EPB41L2: variants seen among roughly 807,000 people sequenced by gnomAD.
EPB41L2 encodes the protein band 4.1-like protein 2.
EPB41L2 carries 43 observed loss-of-function variants against 113.0 expected under a neutral mutation model. The observed-to-expected ratio is 0.38, with a 90% CI of 0.30 to 0.49. The LOEUF (loss-of-function observed/expected upper bound fraction) is 0.49. Among genes scored for constraint, EPB41L2 ranks in the 20% least tolerant of loss-of-function variants. The pLI is 0.95. For synonymous variants in EPB41L2, 442 were observed against 436.7 expected, an observed-to-expected ratio of 1.01 and a Z score of -0.15; for missense variants, 1,147 against 1,223.4, an observed-to-expected ratio of 0.94 and a Z score of 0.93.
At chr6:130,996,150 T>A (rs1184645369) in intron 1 of EPB41L2, among the ~76,000 whole-genome samples, 2 of 152,166 alleles carry the variant, frequency 1.3e-5, no homozygotes, top group African/African-American at 4.8e-5. Flanking sequence ...AACATCCATA[T>A]AAAGAGTTGG....
intron 1 of EPB41L2, among the ~76,000 whole-genome samples, chr6:130,965,802 C>T (rs1459316709): frequency 6.6e-6 from 1 of 152,158 alleles, no homozygotes; most frequent in Non-Finnish European, 1.5e-5. Context: ...TATGGGAATG[C>T]AGGCATTCTC....
chr6:130,992,999 C>A (rs992798076), intron 1 of EPB41L2, among the ~76,000 whole-genome samples: 7 of 152,164 alleles, frequency 4.6e-5, no homozygotes, highest in Admixed American at 4.6e-4. Flanking sequence ...CTTTGAATCC[C>A]TAGCCTGGCA....
Position 130,955,283 on chromosome 6 carries a change from T to C in EPB41L2, c.527A>G (p.Lys176Arg), listed in dbSNP as rs936186810. ...TTTGTCTTCCTGTGTTTCTTTTACC[T>C]TCTCTTCTCTCTCCTTACTTACTAA... The part of the protein sequence containing the change: ...TELVSKEREE[K>R]VKETQEDKLE... The change falls in exon 3 of 20, where the codon AAG becomes AGG. Residue 176 changes from lysine (K) to arginine (R), a missense_variant. Coordinates refer to ENST00000337057, the MANE Select transcript of EPB41L2 (RefSeq NM_001431.4). The C allele has an allele frequency of 3.7e-6, 6 of 1,613,702 alleles. No homozygotes were observed. In the African/African-American group the frequency reaches 5.4e-5, roughly 14 times the overall value.
rs1297521766 is a variant in EPB41L2, at chr6:130,885,163, T to C, written c.1766A>G (p.Asp589Gly). The C allele has an allele frequency of 3.1e-6, 5 of 1,614,028 alleles. No homozygotes were observed. The highest frequency in any genetic ancestry group is 1.3e-5 in the African/African-American group (1 of 74,922). Residue 589 changes from aspartate (D) to glycine (G), a missense_variant, in exon 12 of 20, where the codon GAT becomes GGT. Asp to Gly is a moderately conservative substitution (Grantham distance 94). Transcript: ENST00000337057. ...PGLVSIAVVQ[D>G]GDGRREVRSP... Reference sequence around the variant, plus strand: ...TCTCACTTCCCTCCTGCCGTCCCCATCTTGTACCACGGCAATGCTGACAAG... The same window carrying C: ...TCTCACTTCCCTCCTGCCGTCCCCACCTTGTACCACGGCAATGCTGACAAG...
At chr6:130,910,850 C>A (rs904273737) in intron 4 of EPB41L2, among the ~76,000 whole-genome samples, 1 of 152,246 alleles carries the variant, frequency 6.6e-6, no homozygotes, top group East Asian at 1.9e-4. Context: ...GTTAGAATGG[C>A]GATCGTTAAA....
chr6:130,965,449 T>G (rs2128641854), intron 1 of EPB41L2, among the ~76,000 whole-genome samples: 1 of 152,316 alleles, frequency 6.6e-6, no homozygotes, highest in Admixed American at 6.5e-5. Flanking sequence ...AGAGGACTAA[T>G]TCTCCTTCTC....
intron 1 of EPB41L2, among the ~76,000 whole-genome samples, chr6:130,992,472 C>T (rs66491359): frequency 6.6e-6 from 1 of 151,914 alleles, no homozygotes; most frequent in Non-Finnish European, 1.5e-5. Context: ...AATAATTGCA[C>T]CTAATTCATT....
At chr6:131,016,740 G>A (rs1284231614) in intron 1 of EPB41L2, among the ~76,000 whole-genome samples, 3 of 151,914 alleles carry the variant, frequency 2.0e-5, no homozygotes, top group African/African-American at 7.3e-5. Context: ...AGCCCGGGAG[G>A]CAGAGGTTGC....
At chr6:130,903,425 A>G (rs980403312) in intron 6 of EPB41L2, among the ~76,000 whole-genome samples, 1 of 151,138 alleles carries the variant, frequency 6.6e-6, no homozygotes, top group Non-Finnish European at 1.5e-5. Context: ...CCGGCCTGCT[A>G]TGTACCCAAT....
At chr6:130,943,992 C>T (rs1811804563) in intron 3 of EPB41L2, among the ~76,000 whole-genome samples, 1 of 152,052 alleles carries the variant, frequency 6.6e-6, no homozygotes, top group South Asian at 2.1e-4. Flanking sequence ...GGCTCTCATG[C>T]CTAGAGTTTC....
At chr6:131,039,752 A>ACAT (rs1362226126) in intron 1 of EPB41L2, among the ~76,000 whole-genome samples, 9 of 152,312 alleles carry the variant, frequency 5.9e-5, no homozygotes, top group African/African-American at 2.2e-4. Context: ...GACAATCTGA[A>ACAT]CATCAAAAAG....
intron 1 of EPB41L2, among the ~76,000 whole-genome samples, chr6:131,044,878 T>C (rs893497282): frequency 1.3e-5 from 2 of 152,178 alleles, no homozygotes; most frequent in Non-Finnish European, 2.9e-5. Context: ...ATTTTATTAT[T>C]ATTAAGTAGA....
chr6:131,041,660 C>T (rs1332205553), intron 1 of EPB41L2, among the ~76,000 whole-genome samples: 2 of 151,958 alleles, frequency 1.3e-5, no homozygotes, highest in African/African-American at 2.4e-5. Context: ...TCAACAAATT[C>T]CAGAATGTGG....
At chr6:130,991,577 T>C (rs562140811) in intron 1 of EPB41L2, among the ~76,000 whole-genome samples, 7 of 152,350 alleles carry the variant, frequency 4.6e-5, no homozygotes, top group Non-Finnish European at 7.3e-5. Flanking sequence ...AAAACAGCAA[T>C]GTCCAATATT....
chr6:130,879,481 C>T (rs1254414456), intron 13 of EPB41L2, among the ~76,000 whole-genome samples: 3 of 152,090 alleles, frequency 2.0e-5, no homozygotes, highest in African/African-American at 7.2e-5. Context: ...TACATTGCCA[C>T]ATACTACTGT....
chr6:130,865,539 G>C lies in EPB41L2; in HGVS notation c.2826C>G (p.Thr942=). 6.2e-7 allele frequency: 1 copy of C among 1,613,926 alleles called. No individual in the cohort carries two copies. The highest frequency in any genetic ancestry group is 2.2e-5 in the East Asian group (1 of 44,864). ...SVSTTTTTHI[T]KTVKGGISET... is the part of the protein sequence containing the mutation. ...ATGATCCCCTGCATTGCTTTACCTT[G>C]GTGATGTGTGTGGTTGTCGTTGTTG... is the stretch of plus-strand genomic sequence containing the variant. Residue 942 remains threonine, a synonymous_variant, in exon 17 of 20, where the codon ACC becomes ACG. Transcript: ENST00000337057.
chr6:131,019,495 C>G (rs1788971094), intron 1 of EPB41L2, among the ~76,000 whole-genome samples: 2 of 152,064 alleles, frequency 1.3e-5, no homozygotes, highest in African/African-American at 4.8e-5. Context: ...CTTAAGAAAT[C>G]TGTGCTATTA....
intron 1 of EPB41L2, among the ~76,000 whole-genome samples, chr6:131,017,751 G>T (rs116202379): frequency 0.016 from 2,463 of 152,198 alleles, 68 homozygotes; most frequent in African/African-American, 0.056. Flanking sequence ...CTGCCAAACT[G>T]TTCTCCAAGA....
intron 19 of EPB41L2, among the ~76,000 whole-genome samples, chr6:130,841,533 C>T (rs1300762499): frequency 6.6e-6 from 1 of 152,188 alleles, no homozygotes; most frequent in African/African-American, 2.4e-5. Flanking sequence ...GAGACCAGTG[C>T]AGGAGTCCAG....
Sources: gnomAD v4.1 joint callset for allele counts (sites outside exome capture counted in the v4.1 genomes callset) on GRCh38, gnomAD v4.1.1 for gene constraint, MANE v1.5 for transcripts, NCBI Gene and HGNC (gene_info 2026-07-23, HGNC 2026-07-21) for gene names.